Variants in FHIT observed in about 807,000 individuals in gnomAD.
The protein encoded by FHIT is bis(5'-adenosyl)-triphosphatase.
A neutral mutation model predicts 17.9 loss-of-function variants in FHIT; 19 were observed. The observed-to-expected ratio is 1.06, with a 90% CI of 0.74 to 1.56. The LOEUF (loss-of-function observed/expected upper bound fraction) is 1.56. Among genes scored for constraint, FHIT ranks in the 40% most tolerant of loss-of-function variants. The probability of loss-of-function intolerance (pLI) is 0.00; values close to 1 mark genes in which losing one functional copy is unlikely to be tolerated. For missense variants in FHIT, 248 were observed against 189.2 expected, an observed-to-expected ratio of 1.31 and a Z score of -1.82; for synonymous variants, 81 against 69.7, an observed-to-expected ratio of 1.16 and a Z score of -0.81.
intron 5 of FHIT, among the ~76,000 whole-genome samples, chr3:60,020,072 A>G (rs1257956348): frequency 6.6e-6 from 1 of 152,190 alleles, no homozygotes; most frequent in Non-Finnish European, 1.5e-5. Flanking sequence ...GGCCTCCCAC[A>G]CTGCCTCATG....
chr3:60,655,637 T>A (rs1239786632), intron 4 of FHIT, among the ~76,000 whole-genome samples: 1 of 152,054 alleles, frequency 6.6e-6, no homozygotes, highest in Non-Finnish European at 1.5e-5. Flanking sequence ...TTATCCAGTA[T>A]CAAGAGGAAC....
intron 2 of FHIT, among the ~76,000 whole-genome samples, chr3:61,147,990 T>C (rs1410168471): frequency 6.6e-6 from 1 of 151,558 alleles, no homozygotes; most frequent in Non-Finnish European, 1.5e-5. Context: ...AGAATTATTC[T>C]AGGATTCAAA....
intron 5 of FHIT, among the ~76,000 whole-genome samples, chr3:60,375,183 G>A (rs1283351146): frequency 6.6e-6 from 1 of 151,762 alleles, no homozygotes; most frequent in East Asian, 1.9e-4. Flanking sequence ...ATAATTGTGA[G>A]TGCCAGATTC....
chr3:60,364,557 T>C (rs1275035845), intron 5 of FHIT, among the ~76,000 whole-genome samples: 1 of 152,254 alleles, frequency 6.6e-6, no homozygotes, highest in Admixed American at 6.5e-5. Flanking sequence ...TTCTTTATTC[T>C]GTTCTACCCA....
intron 5 of FHIT, among the ~76,000 whole-genome samples, chr3:60,279,689 T>G (rs1707337260): frequency 6.6e-6 from 1 of 152,110 alleles, no homozygotes; most frequent in Admixed American, 6.5e-5. Context: ...GCAAATCAAA[T>G]CTAATAATGT....
intron 5 of FHIT, among the ~76,000 whole-genome samples, chr3:60,251,338 C>A (rs1460140526): frequency 6.6e-6 from 1 of 152,132 alleles, no homozygotes; most frequent in African/African-American, 2.4e-5. Context: ...GAGTGAGGAA[C>A]ATTATGACAC....
intron 1 of FHIT, among the ~76,000 whole-genome samples, chr3:61,248,187 A>T (rs977835767): frequency 1.3e-5 from 2 of 152,214 alleles, no homozygotes; most frequent in African/African-American, 4.8e-5. Context: ...AACAGATTCA[A>T]TGAAGAGATG....
intron 3 of FHIT, among the ~76,000 whole-genome samples, chr3:60,877,324 T>G (rs1559794611): frequency 6.6e-6 from 1 of 152,180 alleles, no homozygotes; most frequent in African/African-American, 2.4e-5. Flanking sequence ...TGTTAATGCC[T>G]TTCCCCATGG....
intron 5 of FHIT, among the ~76,000 whole-genome samples, chr3:60,205,140 A>C (rs982653889): frequency 6.6e-6 from 1 of 152,118 alleles, no homozygotes; most frequent in African/African-American, 2.4e-5. Context: ...GTGATAAGAC[A>C]AAACAAAACC....
intron 5 of FHIT, among the ~76,000 whole-genome samples, chr3:60,258,227 C>G (rs1706114314): frequency 6.6e-6 from 1 of 152,068 alleles, no homozygotes; most frequent in Admixed American, 6.6e-5. Context: ...TGGTGTTGTA[C>G]ATCCCATGAA....
At chr3:59,990,314 C>T (rs1336311372) in intron 7 of FHIT, among the ~76,000 whole-genome samples, 1 of 152,042 alleles carries the variant, frequency 6.6e-6, no homozygotes, top group Non-Finnish European at 1.5e-5. Flanking sequence ...CAGTGCCAAG[C>T]ACCATGTTGG....
intron 3 of FHIT, among the ~76,000 whole-genome samples, chr3:60,898,951 A>C (rs995830182): frequency 6.6e-6 from 1 of 152,206 alleles, no homozygotes; most frequent in Admixed American, 6.5e-5. Context: ...TTGGCCTTAG[A>C]AATTTTTACT....
chr3:59,886,483 A>G (rs1304070186), intron 8 of FHIT, among the ~76,000 whole-genome samples: 5 of 152,190 alleles, frequency 3.3e-5, no homozygotes, highest in Non-Finnish European at 7.4e-5. Flanking sequence ...GAAGCCTGGT[A>G]TTGGCCTTGG....
chr3:60,418,944 T>C (rs994004017), intron 5 of FHIT, among the ~76,000 whole-genome samples: 1 of 152,154 alleles, frequency 6.6e-6, no homozygotes, highest in Non-Finnish European at 1.5e-5. Flanking sequence ...TGAAAACATA[T>C]AGAATTACAA....
At chr3:60,251,931 A>G (rs1011185762) in intron 5 of FHIT, among the ~76,000 whole-genome samples, 1 of 152,142 alleles carries the variant, frequency 6.6e-6, no homozygotes, top group African/African-American at 2.4e-5. Context: ...GTTTATGAAG[A>G]CCTTCCAATG....
At chr3:60,315,580 C>A (rs1709128609) in intron 5 of FHIT, among the ~76,000 whole-genome samples, 1 of 152,188 alleles carries the variant, frequency 6.6e-6, no homozygotes, top group African/African-American at 2.4e-5. Context: ...TTCTTCCGTT[C>A]AACATACTAT....
intron 8 of FHIT, among the ~76,000 whole-genome samples, chr3:59,818,095 T>C (rs1274835896): frequency 2.2e-5 from 3 of 134,738 alleles, no homozygotes; most frequent in Non-Finnish European, 5.0e-5. Context: ...ATTAAGAGCT[T>C]ATAGGAATTC....
chr3:60,842,937 C>G (rs1559764663), intron 3 of FHIT, among the ~76,000 whole-genome samples: 1 of 151,980 alleles, frequency 6.6e-6, no homozygotes, highest in Non-Finnish European at 1.5e-5. Context: ...CCCCACTATT[C>G]TTATCTCCAG....
chr3:61,122,262 C>G (rs1225813800), intron 2 of FHIT, among the ~76,000 whole-genome samples: 1 of 152,170 alleles, frequency 6.6e-6, no homozygotes, highest in Admixed American at 6.5e-5. Context: ...GGAAAGGATT[C>G]TCTATTTAAT....
Sources: gnomAD v4.1 joint callset for allele counts (sites outside exome capture counted in the v4.1 genomes callset) on GRCh38, gnomAD v4.1.1 for gene constraint, MANE v1.5 for transcripts, NCBI Gene and HGNC (gene_info 2026-07-23, HGNC 2026-07-21) for gene names.